Variants in MAPK8IP2 observed in about 807,000 individuals in gnomAD.
MAPK8IP2 encodes the protein C-Jun-amino-terminal kinase-interacting protein 2.
A neutral mutation model predicts 75.6 loss-of-function variants in MAPK8IP2; 15 were observed. The observed-to-expected ratio is 0.20, with a 90% CI of 0.13 to 0.31. The LOEUF (loss-of-function observed/expected upper bound fraction) is 0.31, where lower values mean the gene tolerates loss of function less well. MAPK8IP2 is among the 10% of genes least tolerant of loss of function. The pLI is 1.00. For missense variants in MAPK8IP2, 1,089 were observed against 1,211.2 expected, an observed-to-expected ratio of 0.90 and a Z score of 1.50; for synonymous variants, 632 against 554.5, an observed-to-expected ratio of 1.14 and a Z score of -1.96.
In MAPK8IP2 at chr22:50,610,908, C is replaced by A; in HGVS notation, c.*129C>A. 2 of 775,296 alleles carry A rather than the reference C, an allele frequency of 2.6e-6. No individual in the cohort carries two copies. Among genetic ancestry groups the A allele is most frequent in the Admixed American group, 2.8e-5 (1 of 35,890 alleles). The allele number at this position is 775,296 out of a possible 1,614,324, so 48.0% of individuals were successfully genotyped here. On this transcript the variant is annotated 3_prime_UTR_variant, in exon 12 of 12. Transcript: ENST00000329492. This position sits in a 1 kb window ranked among gnomAD's most constrained non-coding sequence, Gnocchi z 4.3. ...CATGGGACCTTACGCTTGTGGGGGTCTGCGGGCTGGGAACTCTCGTCCTCG... is the reference window on the plus strand; with the variant it reads ...CATGGGACCTTACGCTTGTGGGGGTATGCGGGCTGGGAACTCTCGTCCTCG...
At position 50,604,775 on chromosome 22, in the gene MAPK8IP2, G is replaced by A. The variant is rs1487928447; in HGVS notation, c.1476G>A (p.Arg492=). The A allele has an allele frequency of 1.3e-6, 2 of 1,545,236 alleles. No individual in the cohort carries two copies. The highest frequency in any genetic ancestry group is 2.4e-5 in the East Asian group (1 of 40,874). The change falls in exon 5 of 12, where the codon AGG becomes AGA. Residue 492 remains arginine (R), a synonymous_variant. Transcript: ENST00000329492. The part of the protein sequence containing the change: ...AEDSAGSPGG[R]GTGPSAPRDA... ...ACAGTGCGGGGTCCCCCGGGGGCAG[G>A]GGCACGGGCCCCTCGGCGCCGCGGG...
chr22:50,604,114 C>T lies in MAPK8IP2; in HGVS notation c.815C>T (p.Ser272Leu), dbSNP rs1055509454. The T allele has an allele frequency of 6.4e-6, 10 of 1,553,228 alleles. No homozygotes were observed. Among genetic ancestry groups the T allele is most frequent in the South Asian group, 1.2e-5 (1 of 85,232 alleles). Residue 272 changes from serine to leucine, a missense_variant, in exon 5 of 12, where the codon TCG becomes TTG. Ser to Leu is a moderately radical substitution (Grantham distance 145). Transcript: ENST00000329492. ...ARLGRMISSI[S>L]ETELELSSDG... Reference sequence around the variant, plus strand: ...CTGGGGCGCATGATCTCGTCCATCTCGGAGACGGAGCTGGAGCTGAGCAGC... The same window carrying T: ...CTGGGGCGCATGATCTCGTCCATCTTGGAGACGGAGCTGGAGCTGAGCAGC...
In MAPK8IP2 at chr22:50,606,762, C is replaced by G. The variant is rs1140555; in HGVS notation, c.2229C>G (p.Pro743=). Residue 743 remains proline (P), a synonymous_variant, in exon 9 of 12, where the codon CCC becomes CCG. Transcript: ENST00000329492. ...AGCTGAGTCTGAGCGGAGGAGGGCC[C>G]GAGGTGGGAGTGTGGGGGACTGGGG... is the stretch of plus-strand genomic sequence containing the variant. The part of the protein sequence containing the change: ...GVKLSLSGGG[P]EFQRCSHFFQ... 8 of 1,575,270 alleles carry G rather than the reference C, an allele frequency of 5.1e-6. No homozygotes were observed. Among genetic ancestry groups the G allele is most frequent in the African/African-American group, 1.4e-5 (1 of 73,964 alleles).
Position 50,604,207 on chromosome 22 carries a change from C to T in MAPK8IP2, c.908C>T (p.Pro303Leu). ...AACTCCATCGAGGAGGCCTCGTCGC[C>T]CGCCTCGGAGCCGGAGCCCCCGCGC... ...LTNSIEEASS[P>L]ASEPEPPREP... The change falls in exon 5 of 12, where the codon CCC becomes CTC. Residue 303 changes from proline to leucine, a missense_variant. This residue lies in a region of MAPK8IP2 where 960 missense variants were observed against 1,009.6 expected (regional missense o/e 0.95). Transcript: ENST00000329492. 1 of 1,545,698 alleles carries T rather than the reference C, an allele frequency of 6.5e-7. No homozygotes were observed. Among genetic ancestry groups the T allele is most frequent in the Non-Finnish European group, 8.7e-7 (1 of 1,153,276 alleles).
At position 50,600,895 on chromosome 22, in the gene MAPK8IP2, G is replaced by C; in HGVS notation, c.65+12G>C. 1 of 1,228,610 alleles carries C rather than the reference G, an allele frequency of 8.1e-7. No individual in the cohort carries two copies. The highest frequency in any genetic ancestry group is 1.6e-5 in the South Asian group (1 of 64,132). 76.1% of individuals were successfully genotyped at this position (1,228,610 alleles called of 1,614,324 possible). A position where few individuals can be genotyped will look rare whatever the true frequency, so the allele number is the denominator to read the frequency against. On this transcript the variant is annotated intron_variant, in intron 1 of 11. Transcript: ENST00000329492. ...CCGCCGGGCTGCAGGTACCCCCCTC[G>C]GCGCCCGGGCCGGGCGGACCCTCCG...
rs752430605 is a variant in MAPK8IP2 at position 50,605,713 on chromosome 22, G to C, written c.1993G>C (p.Gly665Arg). ...FPAFYAHAVP[G>R]PAKDLLGSKR... ...TGCCTTCTACGCCCATGCGGTGCCC[G>C]GCCCTGCCAAGGACCTGCTGGGTGA... Residue 665 changes from glycine to arginine, a missense_variant, in exon 7 of 12, where the codon GGC becomes CGC. Physicochemically the swap from Gly to Arg is moderately radical, Grantham distance 125. Transcript: ENST00000329492. 2 of 1,609,418 alleles carry C rather than the reference G, an allele frequency of 1.2e-6. No individual in the cohort carries two copies. The highest frequency in any genetic ancestry group is 1.7e-5 in the Admixed American group (1 of 59,744).
In MAPK8IP2 at chr22:50,603,853, C is replaced by T. The variant is rs781225301; in HGVS notation, c.554C>T (p.Pro185Leu). 3.0e-5 allele frequency: 46 copies of T among 1,530,334 alleles called. No individual in the cohort carries two copies. Among genetic ancestry groups the T allele is most frequent in the Admixed American group, 2.2e-4 (11 of 49,332 alleles). The allele number at this position is 1,530,334 out of a possible 1,614,324, so 94.8% of individuals were successfully genotyped here. Residue 185 changes from proline to leucine, a missense_variant, in exon 5 of 12, where the codon CCC (proline) becomes CTC (leucine). By Grantham distance (98) the Pro-to-Leu change is moderately conservative (BLOSUM62 -3). Transcript: ENST00000329492. ...CCCTGCCCAGCAGAGCTCCCGGGCC[C>T]CCTCCCTGCCACGGACACCGGGCCC... ...APEALRELPG[P>L]LPATDTGPGG...
chr22:50,610,434 T>C lies in MAPK8IP2; in HGVS notation c.2402+124T>C. ...TCTGGGGAAGGAGAACCAGATGTGC[T>C]GTGTAGAGAGGGCAGTGGTGGGTGA... On this transcript the variant is annotated intron_variant, in intron 11 of 11. Coordinates refer to ENST00000329492, the MANE Select transcript of MAPK8IP2 (RefSeq NM_012324.6). The surrounding 1 kb of genome is among the most constrained non-coding windows in gnomAD (Gnocchi z 4.3). 1.2e-6 allele frequency: 1 copy of C among 864,196 alleles called. No homozygotes were observed. Among genetic ancestry groups the C allele is most frequent in the South Asian group, 1.5e-5 (1 of 66,856 alleles). The allele number at this position is 864,196 out of a possible 1,614,324, so 53.5% of individuals were successfully genotyped here.
intron 3 of MAPK8IP2, 34 bp from the exon 4 acceptor site, chr22:50,603,592 T>G: frequency 2.5e-6 from 4 of 1,584,198 alleles, no homozygotes; most frequent in Non-Finnish European, 3.4e-6. Flanking sequence ...GAGCTGGCCC[T>G]CCTCAGGACC....
At position 50,604,188 on chromosome 22, in the gene MAPK8IP2, A is replaced by T; in HGVS notation, c.889A>T (p.Ile297Phe). 6.5e-7 allele frequency: 1 copy of T among 1,546,718 alleles called. No homozygotes were observed. Among genetic ancestry groups the T allele is most frequent in the Non-Finnish European group, 8.7e-7 (1 of 1,154,230 alleles). The part of the protein sequence containing the change: ...SGRSSHLTNS[I>F]EEASSPASEP... The stretch of plus-strand genomic sequence containing the variant: ...CCGCTCCTCGCACCTCACCAACTCC[A>T]TCGAGGAGGCCTCGTCGCCCGCCTC... The change falls in exon 5 of 12, where the codon ATC (isoleucine) becomes TTC (phenylalanine). Residue 297 changes from isoleucine (I) to phenylalanine (F), a missense_variant. Ile to Phe is a conservative substitution (Grantham distance 21). This residue lies in a region of MAPK8IP2 where 960 missense variants were observed against 1,009.6 expected (regional missense o/e 0.95). Coordinates refer to ENST00000329492, the MANE Select transcript of MAPK8IP2 (RefSeq NM_012324.6).
chr22:50,611,033 C>T lies in MAPK8IP2; in HGVS notation c.*254C>T, dbSNP rs1186342570. On this transcript the variant is annotated 3_prime_UTR_variant, in exon 12 of 12. Coordinates refer to ENST00000329492, the MANE Select transcript of MAPK8IP2 (RefSeq NM_012324.6). The surrounding 1 kb of genome is among the most constrained non-coding windows in gnomAD (Gnocchi z 5.5). ...TTCTCTGTGTTGTCCTCCTCCTTCC[C>T]TTCCCAGTCTCCCTTTTCTCTCTCC... The T allele has an allele frequency of 4.0e-5, 19 of 471,684 alleles. No individual in the cohort carries two copies. The East Asian group carries it at 6.6e-4, about 16-fold the overall frequency. The allele number at this position is 471,684 out of a possible 1,614,324, so 29.2% of individuals were successfully genotyped here.
In MAPK8IP2 at chr22:50,609,784, G is replaced by A. The variant is rs779923125; in HGVS notation, c.2304-428G>A. 2.7e-5 allele frequency: 14 copies of A among 519,164 alleles called. No homozygotes were observed. In the Admixed American group the frequency reaches 2.7e-4, roughly 10 times the overall value. The allele number at this position is 519,164 out of a possible 1,614,324, so 32.2% of individuals were successfully genotyped here. A position where few individuals can be genotyped will look rare whatever the true frequency, so the allele number is the denominator to read the frequency against. On this transcript the variant is annotated intron_variant, in intron 10 of 11. Transcript: ENST00000329492. ...CCGGAAGAGGGTTTTACAGACCAGG[G>A]GTAACGTCCAGCCCCACCTCGGAGC...
At position 50,610,174 on chromosome 22, in the gene MAPK8IP2, A is replaced by G. The variant is rs1490432960; in HGVS notation, c.2304-38A>G. 2.6e-6 allele frequency: 4 copies of G among 1,517,770 alleles called. No homozygotes were observed. Among genetic ancestry groups the G allele is most frequent in the Non-Finnish European group, 3.6e-6 (4 of 1,108,488 alleles). The allele number at this position is 1,517,770 out of a possible 1,614,324, so 94.0% of individuals were successfully genotyped here. ...TTTGTGGGGTGGCCAAGGCTGGGCC[A>G]GGGCTCTGACGTGCCCTCCACACTG... On this transcript the variant is annotated intron_variant, in intron 10 of 11. Coordinates refer to ENST00000329492, the MANE Select transcript of MAPK8IP2 (RefSeq NM_012324.6). This position sits in a 1 kb window ranked among gnomAD's most constrained non-coding sequence, Gnocchi z 4.3.
At chr22:50,603,526 G>T in intron 3 of MAPK8IP2, 28 bp downstream of exon 3, 2 of 1,571,388 alleles carry the variant, frequency 1.3e-6, no homozygotes, top group Non-Finnish European at 1.7e-6. Flanking sequence ...CAGCTCCCTG[G>T]AGCTGAGCCT....
rs949713630 is a variant in MAPK8IP2 at position 50,606,749 on chromosome 22, G to A, written c.2216G>A (p.Ser739Asn). The A allele has an allele frequency of 3.2e-6, 5 of 1,582,422 alleles. No homozygotes were observed. Among genetic ancestry groups the A allele is most frequent in the Admixed American group, 1.8e-5 (1 of 54,974 alleles). The change falls in exon 9 of 12, where the codon AGC becomes AAC. Residue 739 changes from serine to asparagine, a missense_variant. Transcript: ENST00000329492. ...CTTCGGGGGGTCAAGCTGAGTCTGA[G>A]CGGAGGAGGGCCCGAGGTGGGAGTG... ...ISLRGVKLSLSGGGPEFQRCS... is the reference protein window; with the variant it reads ...ISLRGVKLSLNGGGPEFQRCS...
Position 50,606,711 on chromosome 22 carries a change from C to T in MAPK8IP2, c.2178C>T (p.Asp726=), listed in dbSNP as rs1176299890. The T allele has an allele frequency of 6.3e-7, 1 of 1,596,484 alleles. No individual in the cohort carries two copies. The highest frequency in any genetic ancestry group is 8.5e-7 in the Non-Finnish European group (1 of 1,171,694). The change falls in exon 9 of 12, where the codon GAC becomes GAT. Residue 726 remains aspartate (D), a synonymous_variant. Transcript: ENST00000329492. Reference sequence around the variant, plus strand: ...ACCTGCGCCCTCCTGCCTCCTGTGACCTCGAGATCTCTCTTCGGGGGGTCA... The same window carrying T: ...ACCTGCGCCCTCCTGCCTCCTGTGATCTCGAGATCTCTCTTCGGGGGGTCA... ...TVHLRPPASC[D]LEISLRGVKL...
Position 50,604,406 on chromosome 22 carries a change from C to T in MAPK8IP2, c.1107C>T (p.Pro369=), listed in dbSNP as rs746416829. The T allele has an allele frequency of 6.6e-6, 10 of 1,513,470 alleles. No individual in the cohort carries two copies. The East Asian group carries it at 7.8e-5, about 12-fold the overall frequency. The allele number at this position is 1,513,470 out of a possible 1,614,324, so 93.8% of individuals were successfully genotyped here. A position where few individuals can be genotyped will look rare whatever the true frequency, so the allele number is the denominator to read the frequency against. The part of the protein sequence containing the change: ...ISEGSSPIRC[P]GQCLSPAPRP... ...AGGGCTCCTCGCCCATCCGCTGCCCCGGCCAGTGCCTGTCTCCTGCGCCGC... is the reference window on the plus strand; with the variant it reads ...AGGGCTCCTCGCCCATCCGCTGCCCTGGCCAGTGCCTGTCTCCTGCGCCGC... Residue 369 remains proline (P), a synonymous_variant, in exon 5 of 12, where the codon CCC becomes CCT. Coordinates refer to ENST00000329492, the MANE Select transcript of MAPK8IP2 (RefSeq NM_012324.6).
At chr22:50,601,577 C>T (rs2070938773) in intron 1 of MAPK8IP2, 1 of 535,838 alleles carries the variant, frequency 1.9e-6, no homozygotes, top group African/African-American at 1.9e-5. Flanking sequence ...GCAGGGTTGG[C>T]TCCTCCGGGC....
At position 50,610,684 on chromosome 22, in the gene MAPK8IP2, G is replaced by A; in HGVS notation, c.2403-23G>A. The A allele has an allele frequency of 6.3e-7, 1 of 1,591,796 alleles. No homozygotes were observed. The highest frequency in any genetic ancestry group is 1.3e-5 in the African/African-American group (1 of 74,438). On this transcript the variant is annotated intron_variant, in intron 11 of 11. Transcript: ENST00000329492. The surrounding 1 kb of genome is among the most constrained non-coding windows in gnomAD (Gnocchi z 4.3). Reference sequence around the variant, plus strand: ...GGTTGAGGACCGGCCCTGAGTGGCTGGTGGAGGACCGTCTTTCCCCAGCCG... The same window carrying A: ...GGTTGAGGACCGGCCCTGAGTGGCTAGTGGAGGACCGTCTTTCCCCAGCCG...
Sources: allele counts gnomAD v4.1 joint callset, GRCh38; gene constraint gnomAD v4.1.1; regional missense constraint gnomAD v4.1.1; non-coding constraint Gnocchi (gnomAD v3.1); transcripts MANE v1.5; gene names NCBI Gene and HGNC (gene_info 2026-07-23, HGNC 2026-07-21).